CCDC120: variants seen among roughly 807,000 people sequenced by gnomAD.
CCDC120 encodes the protein coiled-coil domain containing 120, also known as coiled-coil domain-containing protein 120.
Under a neutral mutation model 37.6 loss-of-function variants are expected in CCDC120, and 16 were observed. That is an observed-to-expected ratio of 0.43 (90% CI 0.29 to 0.65). The LOEUF (loss-of-function observed/expected upper bound fraction) is 0.65, where lower values mean the gene tolerates loss of function less well. CCDC120 is among the 30% of genes least tolerant of loss of function. The probability of loss-of-function intolerance (pLI) is 0.18; values close to 1 mark genes in which losing one functional copy is unlikely to be tolerated. For synonymous variants in CCDC120, 309 were observed against 275.4 expected (o/e 1.12, Z -1.21); for missense variants, 650 against 657.4 (o/e 0.99, Z 0.12).
chrX:49,066,117 G>A (rs1557081153), intron 9 of CCDC120, among the ~76,000 whole-genome samples: 1 of 111,712 alleles, frequency 9.0e-6, no homozygotes, highest in Non-Finnish European at 1.9e-5. Context: ...CAGCTACTTC[G>A]GAGGCTGAGG....
chrX:49,068,503 TC>T (rs782571867), intron 10 of CCDC120, 40 bp from the exon 11 acceptor site: 201 of 1,060,181 alleles, frequency 1.9e-4, no homozygotes, highest in Middle Eastern at 2.6e-4. Context: ...CTTCTTGTCT[TC>T]CCCGCCCTGT....
chrX:49,061,717 T>C (rs56185542), intron 1 of CCDC120, among the ~76,000 whole-genome samples: 2,319 of 112,025 alleles, frequency 0.021, 24 homozygotes, highest in Non-Finnish European at 0.032. Flanking sequence ...TTAGAGCGGT[T>C]CTCATGAGCG....
chrX:49,065,208 G>A, intron 7 of CCDC120, 110 bp downstream of exon 7: 1 of 825,587 alleles, frequency 1.2e-6, no homozygotes, highest in Non-Finnish European at 1.8e-6. Context: ...TTGATGCCCA[G>A]CCCCTCCTGT....
chrX:49,054,047 G>T (rs782756182), upstream of CCDC120, among the ~76,000 whole-genome samples: 45 of 112,041 alleles, frequency 4.0e-4, no homozygotes, highest in Non-Finnish European at 6.0e-4. Flanking sequence ...ACCCCTGCTG[G>T]CCTTGGCCTC....
intron 7 of CCDC120, 138 bp from the exon 8 acceptor site, chrX:49,065,316 T>C: frequency 9.1e-6 from 7 of 768,969 alleles, no homozygotes; most frequent in Non-Finnish European, 1.3e-5. Flanking sequence ...AGAACCTACT[T>C]GTCAGCCTTA....
rs782503014 is a variant in CCDC120, at chrX:49,067,722, C to T, written c.1608C>T (p.Leu536=). Residue 536 remains leucine (L), a synonymous_variant, in exon 10 of 11, where the codon CTC becomes CTT. Transcript: ENST00000603986. ...VYAADSNSPL[L]RTKDPHTRAT... The stretch of plus-strand genomic sequence containing the variant: ...CAGCTGACAGCAACAGCCCCCTCCT[C>T]CGCACCAAGGACCCCCACACCCGTG... 56 of 1,195,447 alleles carry T rather than the reference C, an allele frequency of 4.7e-5. No homozygotes were observed. The highest frequency in any genetic ancestry group is 6.1e-5 in the Non-Finnish European group (54 of 884,360).
upstream of CCDC120, among the ~76,000 whole-genome samples, chrX:49,058,192 C>A (rs1405377448): frequency 8.9e-6 from 1 of 111,846 alleles, no homozygotes; most frequent in Admixed American, 9.5e-5. Context: ...TGGGTCTGTG[C>A]CATCCTGCTA....
In CCDC120 at chrX:49,068,840, TCA is replaced by T; in HGVS notation, c.*186_*187del. 1 of 370,256 alleles carries T rather than the reference TCA, an allele frequency of 2.7e-6. No homozygotes were observed. Among genetic ancestry groups the T allele is most frequent in the Non-Finnish European group, 4.2e-6 (1 of 235,429 alleles). 30.5% of individuals were successfully genotyped at this position (370,256 alleles called of 1,213,427 possible). On this transcript the variant is annotated 3_prime_UTR_variant, in exon 11 of 11. Transcript: ENST00000603986. ...GGTGTCTGACACCCTGCTTCTTCTC[TCA>T]CACTGTGCTGGGGACTGGGGGCCCT...
In CCDC120 at chrX:49,062,087, C is replaced by T; in HGVS notation, c.46C>T (p.His16Tyr). The T allele has an allele frequency of 8.6e-7, 1 of 1,157,312 alleles. No individual in the cohort carries two copies. Among genetic ancestry groups the T allele is most frequent in the Non-Finnish European group, 1.1e-6 (1 of 872,968 alleles). The change falls in exon 2 of 11, where the codon CAC becomes TAC. Residue 16 changes from histidine to tyrosine, a missense_variant. By Grantham distance (83) the His-to-Tyr change is moderately conservative. Coordinates refer to ENST00000603986, the MANE Select transcript of CCDC120 (RefSeq NM_001163321.4). The stretch of plus-strand genomic sequence containing the variant: ...CCAGGGCCAAGTGGGTCCAGACATC[C>T]ACACGGATTCTGAAAGGGCAGGTCA... Reference protein sequence around the residue: ...RYQGQVGPDIHTDSERTLSSH... With the variant: ...RYQGQVGPDIYTDSERTLSSH...
chrX:49,059,242 G>T, intron 1 of CCDC120, 147 bp downstream of exon 1: 1 of 453,213 alleles, frequency 2.2e-6, no homozygotes, highest in Non-Finnish European at 2.7e-6. Flanking sequence ...GGTGGTGGGG[G>T]GGTAGGGGGG....
At chrX:49,056,968 A>T (rs1557078506), upstream of CCDC120, among the ~76,000 whole-genome samples, 1 of 112,229 alleles carries the variant, frequency 8.9e-6, no homozygotes. Flanking sequence ...AGAGAGGCAC[A>T]GAGAGGTTAA....
At chrX:49,059,324 A>T in intron 1 of CCDC120, 3 of 754,229 alleles carry the variant, frequency 4.0e-6, no homozygotes, top group Non-Finnish European at 4.7e-6. Context: ...CACCAAGCCG[A>T]TTCCCGGCCG....
Position 49,068,032 on chromosome X carries a change from C to T in CCDC120, c.1918C>T (p.Pro640Ser). ...GGTGGGCCAGGCGCTGTACGGGGCCCCCAGCCAGGCGCCACTCCCACACTC... is the reference window on the plus strand; with the variant it reads ...GGTGGGCCAGGCGCTGTACGGGGCCTCCAGCCAGGCGCCACTCCCACACTC... Reference protein sequence around the residue: ...YEVGQALYGAPSQAPLPHSRS... With the variant: ...YEVGQALYGASSQAPLPHSRS... Residue 640 changes from proline to serine, a missense_variant, in exon 10 of 11, where the codon CCC (proline) becomes TCC (serine). Transcript: ENST00000603986. 1.7e-6 allele frequency: 2 copies of T among 1,166,762 alleles called. No homozygotes were observed. The highest frequency in any genetic ancestry group is 2.3e-6 in the Non-Finnish European group (2 of 872,673).
In CCDC120 at chrX:49,068,649, A is replaced by G. The variant is rs1234625396; in HGVS notation, c.2082A>G (p.Thr694=). ...GTTCTGACACCCAGACCCCGGGGAC[A>G]CTGGTCTGACCCCTTCTGATATGTC... is the stretch of plus-strand genomic sequence containing the variant. ...SSSSDTQTPG[T]LV is the part of the protein sequence containing the mutation. Residue 694 remains threonine, a synonymous_variant, in exon 11 of 11, where the codon ACA becomes ACG. Coordinates refer to ENST00000603986, the MANE Select transcript of CCDC120 (RefSeq NM_001163321.4). 2.6e-6 allele frequency: 3 copies of G among 1,142,830 alleles called. No individual in the cohort carries two copies. The highest frequency in any genetic ancestry group is 3.7e-5 in the African/African-American group (2 of 54,738). The allele number at this position is 1,142,830 out of a possible 1,213,427, so 94.2% of individuals were successfully genotyped here. A position where few individuals can be genotyped will look rare whatever the true frequency, so the allele number is the denominator to read the frequency against.
chrX:49,064,575 C>A lies in CCDC120; in HGVS notation c.635C>A (p.Pro212Gln). 8.5e-7 allele frequency: 1 copy of A among 1,180,374 alleles called. No homozygotes were observed. The highest frequency in any genetic ancestry group is 2.4e-5 in the Admixed American group (1 of 41,136). ...VRARLGLPVL[P>Q]LPQPLPLSTG... ...GCCCGCCTTGGCCTCCCAGTGCTCC[C>A]GCTGCCCCAGCCACTGCCACTGTCC... The change falls in exon 6 of 11, where the codon CCG becomes CAG. Residue 212 changes from proline (P) to glutamine (Q), a missense_variant. Pro to Gln is a moderately conservative substitution (Grantham distance 76). Coordinates refer to ENST00000603986, the MANE Select transcript of CCDC120 (RefSeq NM_001163321.4).
Position 49,067,754 on chromosome X carries a change from G to A in CCDC120, c.1640G>A (p.Arg547His), listed in dbSNP as rs374809589. ...RTKDPHTRAT[R>H]TKPCGLPPEA... ...AAGGACCCCCACACCCGTGCCACCC[G>A]CACTAAGCCCTGTGGCCTGCCCCCA... Residue 547 changes from arginine (R) to histidine (H), a missense_variant, in exon 10 of 11, where the codon CGC (arginine) becomes CAC (histidine). By Grantham distance (29) the Arg-to-His change is conservative. Coordinates refer to ENST00000603986, the MANE Select transcript of CCDC120 (RefSeq NM_001163321.4). 2.7e-5 allele frequency: 32 copies of A among 1,195,884 alleles called. No individual in the cohort carries two copies. The highest frequency in any genetic ancestry group is 2.0e-4 in the Admixed American group (9 of 45,245).
Position 49,067,287 on chromosome X carries a change from C to T in CCDC120, c.1173C>T (p.Arg391=). 1 of 1,211,279 alleles carries T rather than the reference C, an allele frequency of 8.3e-7. No individual in the cohort carries two copies. The highest frequency in any genetic ancestry group is 1.1e-6 in the Non-Finnish European group (1 of 895,418). The stretch of plus-strand genomic sequence containing the variant: ...CCTCCCTCTTCGTAGCTCGCACCCG[C>T]CGCAGCAACAGTTCTGAGGCCCTGC... ...DRASLFVART[R]RSNSSEALLV... is the part of the protein sequence containing the mutation. Residue 391 remains arginine (R), a synonymous_variant, in exon 10 of 11, where the codon CGC becomes CGT. Transcript: ENST00000603986.
At chrX:49,057,939 C>G (rs1557078662), upstream of CCDC120, among the ~76,000 whole-genome samples, 5 of 111,646 alleles carry the variant, frequency 4.5e-5, no homozygotes. Context: ...GCTCTCATTT[C>G]CTTCTCTGGC....
Position 49,067,728 on chromosome X carries a change from C to T in CCDC120, c.1614C>T (p.Thr538=), listed in dbSNP as rs73495848. ...ACAGCAACAGCCCCCTCCTCCGCACCAAGGACCCCCACACCCGTGCCACCC... is the reference window on the plus strand; with the variant it reads ...ACAGCAACAGCCCCCTCCTCCGCACTAAGGACCCCCACACCCGTGCCACCC... The part of the protein sequence containing the change: ...AADSNSPLLR[T]KDPHTRATRT... Residue 538 remains threonine (T), a synonymous_variant, in exon 10 of 11, where the codon ACC becomes ACT. Transcript: ENST00000603986. 4.3e-3 allele frequency: 5,076 copies of T among 1,193,779 alleles called. 139 individuals carry two copies. In the African/African-American group the frequency reaches 0.078, roughly 18 times the overall value.
Sources: gnomAD v4.1 joint callset for allele counts (sites outside exome capture counted in the v4.1 genomes callset) on GRCh38, gnomAD v4.1.1 for gene constraint, MANE v1.5 for transcripts, NCBI Gene and HGNC (gene_info 2026-07-23, HGNC 2026-07-21) for gene names.